The following URB1 variants were observed in gnomAD, a reference collection of about 807,000 sequenced individuals.
The protein encoded by URB1 is nucleolar pre-ribosomal-associated protein 1.
A neutral mutation model predicts 242.3 loss-of-function variants in URB1; 197 were observed. The observed-to-expected ratio is 0.81, with a 90% CI of 0.72 to 0.91. The LOEUF (loss-of-function observed/expected upper bound fraction) is 0.91, where lower values mean the gene tolerates loss of function less well. Among genes scored for constraint, URB1 ranks in the 40% least tolerant of loss-of-function variants. URB1 has a pLI of 0.00. For missense variants in URB1, 2,721 were observed against 2,860.5 expected, an observed-to-expected ratio of 0.95 and a Z score of 1.11; for synonymous variants, 1,153 against 1,201.8, an observed-to-expected ratio of 0.96 and a Z score of 0.84.
At position 32,317,767 on chromosome 21, in the gene URB1, G is replaced by T. The variant is rs1473124673; in HGVS notation, c.5943C>A (p.Leu1981=). ...TTTCAATGAGGCTCCACTTGTGCAA[G>T]AGGACAAGGACGTCCTTGGTGGAAA... ...TVLSTKDVLV[L]LHKWSLIERD... The change falls in exon 37 of 39, where the codon CTC becomes CTA. Residue 1981 remains leucine, a synonymous_variant. Coordinates refer to ENST00000382751, the MANE Select transcript of URB1 (RefSeq NM_014825.3). 3 of 1,551,796 alleles carry T rather than the reference G, an allele frequency of 1.9e-6. No individual in the cohort carries two copies. The highest frequency in any genetic ancestry group is 2.6e-6 in the Non-Finnish European group (3 of 1,147,054).
intron 2 of URB1, 116 bp downstream of exon 2, chr21:32,385,429 G>C (rs183519460): frequency 3.6e-6 from 5 of 1,400,730 alleles, no homozygotes; most frequent in Non-Finnish European, 3.8e-6. Flanking sequence ...CAGGGACAAA[G>C]CATCATTTTC....
intron 35 of URB1, 72 bp downstream of exon 35, chr21:32,320,459 G>A: frequency 8.9e-7 from 1 of 1,129,894 alleles, no homozygotes; most frequent in Non-Finnish European, 1.3e-6. Flanking sequence ...CAACAGAGCT[G>A]GCAGCAGACG....
At chr21:32,327,980 A>T (rs2032849198) in intron 30 of URB1, among the ~76,000 whole-genome samples, 1 of 152,238 alleles carries the variant, frequency 6.6e-6, no homozygotes, top group African/African-American at 2.4e-5. Flanking sequence ...AATAAAAGGC[A>T]GAGATGGTCA....
At chr21:32,318,442 A>G (rs2032720154) in intron 36 of URB1, among the ~76,000 whole-genome samples, 1 of 152,218 alleles carries the variant, frequency 6.6e-6, no homozygotes, top group Non-Finnish European at 1.5e-5. Flanking sequence ...TTAAATAGCA[A>G]CTGGTTCTTA....
intron 24 of URB1, among the ~76,000 whole-genome samples, chr21:32,341,899 A>C (rs1207012487): frequency 6.6e-6 from 1 of 152,254 alleles, no homozygotes; most frequent in African/African-American, 2.4e-5. Flanking sequence ...GATTAATCTT[A>C]AAACAAAAAC....
intron 24 of URB1, among the ~76,000 whole-genome samples, chr21:32,342,657 A>ACT (rs57298518): frequency 1 from 147,385 of 147,394 alleles, 73,688 homozygotes; most frequent in Middle Eastern, 1. Context: ...AGGAAGCACT[A>ACT]GTGCCAACTT....
intron 1 of URB1, among the ~76,000 whole-genome samples, chr21:32,389,161 T>C (rs187361877): frequency 4.6e-5 from 7 of 152,276 alleles, no homozygotes; most frequent in Admixed American, 2.6e-4. Context: ...GAACCTATTA[T>C]TAATAATAGT....
chr21:32,318,925 G>T (rs2032726725), intron 36 of URB1, among the ~76,000 whole-genome samples: 1 of 152,082 alleles, frequency 6.6e-6, no homozygotes, highest in African/African-American at 2.4e-5. Context: ...TGGCTCGCCA[G>T]CTAAAAATGA....
intron 10 of URB1, 99 bp from the exon 11 acceptor site, chr21:32,363,428 C>T: frequency 2.2e-6 from 3 of 1,391,714 alleles, no homozygotes; most frequent in Non-Finnish European, 2.9e-6. Flanking sequence ...AGGTCACTCA[C>T]AGGGAAAGCT....
At chr21:32,316,098 C>T (rs532746489) in intron 38 of URB1, among the ~76,000 whole-genome samples, 3 of 152,368 alleles carry the variant, frequency 2.0e-5, no homozygotes, top group South Asian at 2.1e-4. Context: ...TGCAAGCATA[C>T]GCACGCACGC....
At chr21:32,321,420 T>C (rs1006616272) in intron 34 of URB1, among the ~76,000 whole-genome samples, 3 of 152,154 alleles carry the variant, frequency 2.0e-5, no homozygotes, top group African/African-American at 7.2e-5. Context: ...CAAAAGTGCC[T>C]CAGAGTACCT....
Position 32,357,555 on chromosome 21 carries a change from G to C in URB1, c.1971C>G (p.Thr657=), listed in dbSNP as rs1352356217. 3.3e-6 allele frequency: 5 copies of C among 1,520,980 alleles called. No individual in the cohort carries two copies. Among genetic ancestry groups the C allele is most frequent in the Non-Finnish European group, 4.4e-6 (5 of 1,136,850 alleles). The allele number at this position is 1,520,980 out of a possible 1,614,324, so 94.2% of individuals were successfully genotyped here. A position where few individuals can be genotyped will look rare whatever the true frequency, so the allele number is the denominator to read the frequency against. The change falls in exon 15 of 39, where the codon ACC becomes ACG. Residue 657 remains threonine, a synonymous_variant. Transcript: ENST00000382751. ...TGCTCACCTTCATGATCAGAAGTTTGGTCAATGACTTCAGTTGTAAATGGC... is the reference window on the plus strand; with the variant it reads ...TGCTCACCTTCATGATCAGAAGTTTCGTCAATGACTTCAGTTGTAAATGGC... The part of the protein sequence containing the change: ...TSSHLQLKSL[T]KLLIMKILRD...
chr21:32,361,305 GCAGA>G (rs2033285283), intron 12 of URB1, among the ~76,000 whole-genome samples, 182 bp from the exon 13 acceptor site: 1 of 152,202 alleles, frequency 6.6e-6, no homozygotes, highest in African/African-American at 2.4e-5. Context: ...CACCGAGGCT[GCAGA>G]CAGACTGCTC....
Position 32,385,633 on chromosome 21 carries a change from T to C in URB1, c.194A>G (p.Tyr65Cys), listed in dbSNP as rs906459244. 1.0e-5 allele frequency: 16 copies of C among 1,551,552 alleles called. No individual in the cohort carries two copies. The African/African-American group carries it at 2.2e-4, about 21-fold the overall frequency. The change falls in exon 2 of 39, where the codon TAT becomes TGT. Residue 65 changes from tyrosine (Y) to cysteine (C), a missense_variant. Physicochemically the swap from Tyr to Cys is radical, Grantham distance 194 (BLOSUM62 -2). Transcript: ENST00000382751. The part of the protein sequence containing the change: ...AAKKLPREDV[Y>C]DVVEGYIKIS... ...CTTTATATACCCTTCCACAACATCATACACATCTTCTCGTGGTAGCTTCTT... is the reference window on the plus strand; with the variant it reads ...CTTTATATACCCTTCCACAACATCACACACATCTTCTCGTGGTAGCTTCTT...
In URB1 at chr21:32,368,480, A is replaced by G. The variant is rs2033370915; in HGVS notation, c.1120T>C (p.Tyr374His). 6.4e-7 allele frequency: 1 copy of G among 1,551,806 alleles called. No individual in the cohort carries two copies. The highest frequency in any genetic ancestry group is 1.4e-5 in the African/African-American group (1 of 73,038). The change falls in exon 9 of 39, where the codon TAC (tyrosine) becomes CAC (histidine). Residue 374 changes from tyrosine (Y) to histidine (H), a missense_variant. By Grantham distance (83) the Tyr-to-His change is moderately conservative. Coordinates refer to ENST00000382751, the MANE Select transcript of URB1 (RefSeq NM_014825.3). ...LKVCPDLLNK[Y>H]FKEVTFSFIP... ...AAGGAAAACGTTACTTCCTTGAAGT[A>G]TTTGTTCAGTAAGTCCGGGCACACT...
rs1262181219 is a variant in URB1, at chr21:32,378,509, C to G, written c.600G>C (p.Gln200His). 6.4e-7 allele frequency: 1 copy of G among 1,551,576 alleles called. No homozygotes were observed. Among genetic ancestry groups the G allele is most frequent in the Non-Finnish European group, 8.7e-7 (1 of 1,147,008 alleles). The change falls in exon 5 of 39, where the codon CAG (glutamine) becomes CAC (histidine). Residue 200 changes from glutamine (Q) to histidine (H), a missense_variant. Physicochemically the swap from Gln to His is conservative, Grantham distance 24 (BLOSUM62 0). Coordinates refer to ENST00000382751, the MANE Select transcript of URB1 (RefSeq NM_014825.3). The part of the protein sequence containing the change: ...GVYDVRQAYV[Q>H]FALSFLIAGD... ...CCGCAATTAAAAAGGAGAGAGCAAACTGAACGTAGGCCTGCCGAACGTCGT... is the reference window on the plus strand; with the variant it reads ...CCGCAATTAAAAAGGAGAGAGCAAAGTGAACGTAGGCCTGCCGAACGTCGT...
intron 24 of URB1, among the ~76,000 whole-genome samples, chr21:32,342,911 A>C (rs2033046848): frequency 6.6e-6 from 1 of 152,186 alleles, no homozygotes; most frequent in South Asian, 2.1e-4. Flanking sequence ...CCAGTATCAT[A>C]CAACTGCGTG....
At chr21:32,334,436 C>T in intron 28 of URB1, 102 bp from the exon 29 acceptor site, 1 of 1,335,334 alleles carries the variant, frequency 7.5e-7, no homozygotes, top group Non-Finnish European at 1.0e-6. Flanking sequence ...TGCCAGTTCA[C>T]ACCAGGTGCT....
At chr21:32,380,253 C>T (rs907371717) in intron 4 of URB1, among the ~76,000 whole-genome samples, 3 of 152,290 alleles carry the variant, frequency 2.0e-5, no homozygotes, top group African/African-American at 7.2e-5. Flanking sequence ...GGCTATCCAA[C>T]CCATGCTCCC....
Sources: allele counts gnomAD v4.1 joint callset (sites outside exome capture counted in the v4.1 genomes callset), GRCh38; gene constraint gnomAD v4.1.1; transcripts MANE v1.5; gene names NCBI Gene and HGNC (gene_info 2026-07-23, HGNC 2026-07-21).